The following STPG2 variants were observed in gnomAD, a reference collection of about 807,000 sequenced individuals.
The protein encoded by STPG2 is sperm-tail PG-rich repeat-containing protein 2.
A neutral mutation model predicts 54.2 loss-of-function variants in STPG2; 56 were observed. That is an observed-to-expected ratio of 1.03 (90% CI 0.83 to 1.29). The LOEUF (loss-of-function observed/expected upper bound fraction) is 1.29, where lower values mean the gene tolerates loss of function less well. Ranked by LOEUF, STPG2 falls within the 50% of genes most tolerant of loss-of-function variation. The pLI is 0.00. For missense variants in STPG2, 596 were observed against 544.9 expected, an observed-to-expected ratio of 1.09 and a Z score of -0.93; for synonymous variants, 200 against 181.8, an observed-to-expected ratio of 1.10 and a Z score of -0.81.
At chr4:98,064,135 A>G (rs1205611769) in intron 5 of STPG2, among the ~76,000 whole-genome samples, 1 of 152,222 alleles carries the variant, frequency 6.6e-6, no homozygotes, top group Non-Finnish European at 1.5e-5. Flanking sequence ...AAAATTAAGT[A>G]GGAAAATCTG....
chr4:97,693,550 C>T (rs1028340457), intron 10 of STPG2, among the ~76,000 whole-genome samples: 1 of 151,936 alleles, frequency 6.6e-6, no homozygotes, highest in Non-Finnish European at 1.5e-5. Flanking sequence ...ACTACTAGAC[C>T]AAGAAATGAG....
intron 5 of STPG2, among the ~76,000 whole-genome samples, chr4:98,101,234 A>G (rs1005745823): frequency 6.6e-6 from 1 of 152,184 alleles, no homozygotes; most frequent in Admixed American, 6.5e-5. Context: ...AAAGATATAC[A>G]GAATAAGAGA....
intron 9 of STPG2, among the ~76,000 whole-genome samples, chr4:97,807,851 T>C (rs938978086): frequency 2.0e-5 from 3 of 151,978 alleles, no homozygotes; most frequent in Non-Finnish European, 4.4e-5. Flanking sequence ...TACATCATAG[T>C]AAAATTTTCA....
chr4:97,742,130 C>T (rs10032390), intron 9 of STPG2, among the ~76,000 whole-genome samples: 64,900 of 151,396 alleles, frequency 0.43, 14,432 homozygotes, highest in Admixed American at 0.54. Context: ...AACCAAACAC[C>T]GCATATTCTC....
At chr4:97,882,816 T>G (rs544682057) in intron 8 of STPG2, among the ~76,000 whole-genome samples, 112 of 152,208 alleles carry the variant, frequency 7.4e-4, no homozygotes, top group African/African-American at 2.6e-3. Context: ...ACCCTCCATG[T>G]TAAGCCCTAT....
chr4:97,950,158 G>A (rs1388450378), intron 7 of STPG2, among the ~76,000 whole-genome samples: 1 of 151,238 alleles, frequency 6.6e-6, no homozygotes, highest in Non-Finnish European at 1.5e-5. Context: ...ATTTCTTTAT[G>A]TTAATTTTCA....
intron 9 of STPG2, among the ~76,000 whole-genome samples, chr4:97,754,502 G>A (rs1304361830): frequency 1.3e-5 from 2 of 151,922 alleles, no homozygotes; most frequent in Non-Finnish European, 2.9e-5. Context: ...AGTCTATTAA[G>A]GTATTTGAAC....
intron 7 of STPG2, among the ~76,000 whole-genome samples, chr4:97,961,357 T>TG (rs1159978340): frequency 6.6e-6 from 1 of 152,118 alleles, no homozygotes; most frequent in Non-Finnish European, 1.5e-5. Flanking sequence ...GATAAATAGC[T>TG]GGGACTTAAT....
chr4:98,031,207 A>C (rs2149299975), intron 5 of STPG2, among the ~76,000 whole-genome samples: 1 of 152,334 alleles, frequency 6.6e-6, no homozygotes, highest in African/African-American at 2.4e-5. Context: ...CCATATGTAG[A>C]GAATGAAATT....
At chr4:97,462,866 G>GT (rs1729697719) in intron 4 of STPG2, among the ~76,000 whole-genome samples, 11 of 152,060 alleles carry the variant, frequency 7.2e-5, no homozygotes, top group Non-Finnish European at 1.5e-5. Flanking sequence ...GAGAACTCCA[G>GT]TATAGAATTG....
In STPG2 at chr4:97,685,018, T is replaced by A. The variant is rs945211482; in HGVS notation, c.1320+27681A>T. 5.9e-5 allele frequency among the ~76,000 whole-genome samples: 9 copies of A among 151,962 alleles called. No individual in the cohort carries two copies. In the East Asian group the frequency reaches 1.5e-3, roughly 26 times the overall value. Reference sequence around the variant, plus strand: ...GGGAATTGTAATTTTAAAACAATAATAAAATACAACTACATACCTATCAGA... The same window carrying A: ...GGGAATTGTAATTTTAAAACAATAAAAAAATACAACTACATACCTATCAGA... On this transcript the variant is annotated intron_variant, in intron 10 of 10. Coordinates refer to ENST00000295268, the MANE Select transcript of STPG2 (RefSeq NM_174952.3).
intron 5 of STPG2, among the ~76,000 whole-genome samples, chr4:98,006,858 C>A (rs890921784): frequency 1.5e-4 from 23 of 152,142 alleles, no homozygotes; most frequent in Admixed American, 1.2e-3. Flanking sequence ...AGGTGGGTCC[C>A]ACACCTGTTC....
At chr4:97,456,408 A>C (rs1560616167) in intron 4 of STPG2, among the ~76,000 whole-genome samples, 1 of 152,154 alleles carries the variant, frequency 6.6e-6, no homozygotes. Flanking sequence ...CACTATCATG[A>C]GAACAGCAAG....
intron 8 of STPG2, among the ~76,000 whole-genome samples, chr4:97,931,423 T>C (rs984481874): frequency 2.6e-5 from 4 of 152,236 alleles, no homozygotes; most frequent in Admixed American, 2.0e-4. Flanking sequence ...GAAGCCTTTC[T>C]GAAGCTATTG....
chr4:97,880,401 G>A (rs1190319103), intron 8 of STPG2, among the ~76,000 whole-genome samples: 1 of 152,114 alleles, frequency 6.6e-6, no homozygotes, highest in Non-Finnish European at 1.5e-5. Flanking sequence ...AAGTCGTACA[G>A]AATGAAAGAA....
intron 10 of STPG2, among the ~76,000 whole-genome samples, chr4:97,615,800 G>T (rs560707987): frequency 1.3e-5 from 2 of 151,228 alleles, no homozygotes; most frequent in Non-Finnish European, 2.9e-5. Flanking sequence ...ACACTGGGAG[G>T]CCGAGACAGG....
At chr4:97,946,519 T>C (rs1016542707) in intron 7 of STPG2, among the ~76,000 whole-genome samples, 3 of 152,192 alleles carry the variant, frequency 2.0e-5, no homozygotes, top group Non-Finnish European at 2.9e-5. Context: ...AGAATTTTTA[T>C]GGTTTCAGGT....
At chr4:97,457,522 C>A (rs553437232) in intron 4 of STPG2, among the ~76,000 whole-genome samples, 6 of 152,294 alleles carry the variant, frequency 3.9e-5, no homozygotes, top group African/African-American at 1.2e-4. Flanking sequence ...TCCATGAACA[C>A]CTTATATAAG....
intron 9 of STPG2, among the ~76,000 whole-genome samples, chr4:97,815,358 T>G (rs1727877121): frequency 1.3e-5 from 2 of 152,158 alleles, no homozygotes; most frequent in South Asian, 4.1e-4. Flanking sequence ...TGCATTATTA[T>G]ACTTAGTGGT....
Sources: allele counts gnomAD v4.1 joint callset (sites outside exome capture counted in the v4.1 genomes callset), GRCh38; gene constraint gnomAD v4.1.1; transcripts MANE v1.5; gene names NCBI Gene and HGNC (gene_info 2026-07-23, HGNC 2026-07-21).